Variants in TBCD observed in about 807,000 individuals in gnomAD.
TBCD encodes tubulin folding cofactor D, also known as tubulin-specific chaperone D.
In TBCD, 105 loss-of-function variants were observed where a neutral mutation model predicts 169.3. That is an observed-to-expected ratio of 0.62 (90% CI 0.53 to 0.73). TBCD has a LOEUF of 0.73. Ranked by LOEUF, TBCD falls within the 30% of genes least tolerant of loss-of-function variation. The pLI, the probability that TBCD is intolerant of heterozygous loss-of-function variation, is 0.00. For missense variants in TBCD, 1,444 were observed against 1,600.1 expected (o/e 0.90, Z 1.66); for synonymous variants, 700 against 643.9 (o/e 1.09, Z -1.32).
At chr17:82,898,145 T>C (rs2059619761) in intron 17 of TBCD, among the ~76,000 whole-genome samples, 1 of 150,956 alleles carries the variant, frequency 6.6e-6, no homozygotes, top group Admixed American at 6.6e-5. Context: ...TTCGTGAGCA[T>C]TGAGCCCCCG....
intron 2 of TBCD, among the ~76,000 whole-genome samples, chr17:82,762,908 CGTT>C (rs1187517771): frequency 2.6e-5 from 4 of 152,082 alleles, no homozygotes; most frequent in Non-Finnish European, 5.9e-5. Flanking sequence ...GAGTGTATCT[CGTT>C]GTGTCCTTCT....
At chr17:82,768,094 T>C (rs2048113665) in intron 4 of TBCD, among the ~76,000 whole-genome samples, 1 of 152,152 alleles carries the variant, frequency 6.6e-6, no homozygotes, top group Admixed American at 6.5e-5. Context: ...TGTTTTTCAC[T>C]TTTTCAAAAG....
Position 82,835,903 on chromosome 17 carries a change from C to T in TBCD, c.1318+20969C>T, listed in dbSNP as rs532351770. On this transcript the variant is annotated intron_variant, in intron 13 of 38. Coordinates refer to ENST00000355528, the MANE Select transcript of TBCD (RefSeq NM_005993.5). The surrounding 1 kb of genome is among the most constrained non-coding windows in gnomAD (Gnocchi z 4.5). ...TCTGTGTAGCAGGGACAGCGAGGCA[C>T]GGTTTGGATGAGGACAAGATGTTTG... Among the ~76,000 whole-genome samples the T allele has an allele frequency of 2.6e-5, 4 of 152,288 alleles. No individual in the cohort carries two copies. The highest frequency in any genetic ancestry group is 1.9e-4 in the East Asian group (1 of 5,184).
intron 13 of TBCD, among the ~76,000 whole-genome samples, chr17:82,866,129 C>T (rs1350612225): frequency 6.6e-6 from 1 of 152,118 alleles, no homozygotes; most frequent in Non-Finnish European, 1.5e-5. Context: ...AAGTTTATGG[C>T]AGAGGAGTTT....
rs772639597 is a variant in TBCD, at chr17:82,929,231, C to T, written c.2812C>T (p.His938Tyr). 2.5e-6 allele frequency: 4 copies of T among 1,613,966 alleles called. No individual in the cohort carries two copies. The highest frequency in any genetic ancestry group is 1.3e-5 in the African/African-American group (1 of 75,040). Residue 938 changes from histidine to tyrosine, a missense_variant, in exon 31 of 39, where the codon CAC becomes TAC. By Grantham distance (83) the His-to-Tyr change is moderately conservative. Transcript: ENST00000355528. ...LLHFDSPPIPHVPHRGELEKL... is the reference protein window; with the variant it reads ...LLHFDSPPIPYVPHRGELEKL... Reference sequence around the variant, plus strand: ...GCACTTTGACAGCCCTCCCATCCCCCACGTGCCCCACCGAGGAGAACTGGA... The same window carrying T: ...GCACTTTGACAGCCCTCCCATCCCCTACGTGCCCCACCGAGGAGAACTGGA...
At chr17:82,786,925 A>G (rs2144410338) in intron 7 of TBCD, among the ~76,000 whole-genome samples, 1 of 97,068 alleles carries the variant, frequency 1.0e-5, no homozygotes, top group East Asian at 3.6e-4. Flanking sequence ...CACAGCCTGC[A>G]TTTGGAATAC....
At position 82,927,267 on chromosome 17, in the gene TBCD, G is replaced by A. The variant is rs761887757; in HGVS notation, c.2553G>A (p.Ala851=). ...CGENVSQIYC[A]LLGCMDDYTT... ...AGAATGTTTCCCAGATTTACTGTGCGCTGCTGGGCTGCATGGACGACTACA... is the reference window on the plus strand; with the variant it reads ...AGAATGTTTCCCAGATTTACTGTGCACTGCTGGGCTGCATGGACGACTACA... Residue 851 remains alanine, a synonymous_variant, in exon 29 of 39, where the codon GCG becomes GCA. Coordinates refer to ENST00000355528, the MANE Select transcript of TBCD (RefSeq NM_005993.5). 25 of 1,613,996 alleles carry A rather than the reference G, an allele frequency of 1.5e-5. No individual in the cohort carries two copies. The highest frequency in any genetic ancestry group is 1.7e-4 in the Middle Eastern group (1 of 6,060).
At chr17:82,940,950 C>G (rs1330716035) in intron 37 of TBCD, among the ~76,000 whole-genome samples, 1 of 151,978 alleles carries the variant, frequency 6.6e-6, no homozygotes, top group Non-Finnish European at 1.5e-5. Flanking sequence ...GTTTAATCCC[C>G]TTTCTGTTAA....
chr17:82,855,061 G>A (rs1023368800), intron 13 of TBCD, among the ~76,000 whole-genome samples: 2 of 150,142 alleles, frequency 1.3e-5, no homozygotes, highest in African/African-American at 2.5e-5. Flanking sequence ...CCTCCCTGTG[G>A]CCTTCCTCCG....
chr17:82,941,139 G>A (rs575724723), intron 37 of TBCD, among the ~76,000 whole-genome samples: 5 of 152,362 alleles, frequency 3.3e-5, no homozygotes, highest in South Asian at 4.1e-4. Flanking sequence ...CAGTCCCTGC[G>A]CTGGGCGTGG....
chr17:82,807,772 C>G, intron 11 of TBCD, 104 bp downstream of exon 11: 1 of 812,666 alleles, frequency 1.2e-6, no homozygotes, highest in Non-Finnish European at 1.7e-6. Flanking sequence ...CAGCGCGGCC[C>G]CCTCCTCGGC....
intron 17 of TBCD, among the ~76,000 whole-genome samples, chr17:82,899,456 A>C (rs895919054): frequency 1.3e-5 from 2 of 150,446 alleles, no homozygotes; most frequent in African/African-American, 4.9e-5. Context: ...GCCCGTCCTC[A>C]GCGTGTGTGT....
chr17:82,881,698 G>C (rs2058362530), intron 14 of TBCD, among the ~76,000 whole-genome samples: 1 of 152,228 alleles, frequency 6.6e-6, no homozygotes, highest in African/African-American at 2.4e-5. Context: ...GTCTGAGCTT[G>C]ATTGGGGTGG....
intron 17 of TBCD, among the ~76,000 whole-genome samples, chr17:82,899,150 C>G (rs916105833): frequency 3.4e-5 from 5 of 148,158 alleles, no homozygotes; most frequent in Non-Finnish European, 7.4e-5. Context: ...CCGCTAGTGT[C>G]CTCAGCGTGT....
chr17:82,755,483 C>G (rs2047353992), intron 1 of TBCD, among the ~76,000 whole-genome samples: 1 of 152,138 alleles, frequency 6.6e-6, no homozygotes, highest in African/African-American at 2.4e-5. Context: ...TCAGGGCCTG[C>G]TGTCTGTCAT....
chr17:82,928,376 C>T (rs1018566377), intron 30 of TBCD, among the ~76,000 whole-genome samples: 1 of 152,216 alleles, frequency 6.6e-6, no homozygotes, highest in Non-Finnish European at 1.5e-5. Flanking sequence ...AGCCATCACT[C>T]AGTTCCCTGC....
At chr17:82,857,920 G>GT (rs35517512) in intron 13 of TBCD, among the ~76,000 whole-genome samples, 78 of 149,740 alleles carry the variant, frequency 5.2e-4, no homozygotes, top group African/African-American at 1.4e-3. Context: ...ATTTGTTTTA[G>GT]TTTTTTTTTT....
chr17:82,809,572 G>A, intron 11 of TBCD, 136 bp from the exon 12 acceptor site: 1 of 876,848 alleles, frequency 1.1e-6, no homozygotes, highest in Admixed American at 2.1e-5. Flanking sequence ...GCAGGGTGCG[G>A]GCTTGCCTGG....
At position 82,752,286 on chromosome 17, in the gene TBCD, C is replaced by A. The variant is rs1374671309; in HGVS notation, c.93C>A (p.Gly31=). 5 of 1,512,980 alleles carry A rather than the reference C, an allele frequency of 3.3e-6. No individual in the cohort carries two copies. In the South Asian group the frequency reaches 6.1e-5, roughly 19 times the overall value. 93.7% of individuals were successfully genotyped at this position (1,512,980 alleles called of 1,614,324 possible). Residue 31 remains glycine, a synonymous_variant, in exon 1 of 39, where the codon GGC becomes GGA. Coordinates refer to ENST00000355528, the MANE Select transcript of TBCD (RefSeq NM_005993.5). ...TTGGCGCGGCGCTGGAAGCGTTCGG[C>A]GAGAGCGCGGAGACCCGGGCGCTGC... ...LAFGAALEAF[G]ESAETRALLG...
Sources: allele counts gnomAD v4.1 joint callset (sites outside exome capture counted in the v4.1 genomes callset), GRCh38; gene constraint gnomAD v4.1.1; non-coding constraint Gnocchi (gnomAD v3.1); transcripts MANE v1.5; gene names NCBI Gene and HGNC (gene_info 2026-07-23, HGNC 2026-07-21).